The following MTHFD2L variants were observed in gnomAD, a reference collection of about 807,000 sequenced individuals.
MTHFD2L encodes the protein methylenetetrahydrofolate dehydrogenase (NADP+ dependent) 2 like.
MTHFD2L carries 29 observed loss-of-function variants against 34.9 expected under a neutral mutation model. The observed-to-expected ratio is 0.83, with a 90% CI of 0.62 to 1.13. The LOEUF (loss-of-function observed/expected upper bound fraction) is 1.13. MTHFD2L is among the 50% of genes most tolerant of loss of function. MTHFD2L has a pLI of 0.00. For missense variants in MTHFD2L, 481 were observed against 446.5 expected, an observed-to-expected ratio of 1.08 and a Z score of -0.70; for synonymous variants, 167 against 155.7, an observed-to-expected ratio of 1.07 and a Z score of -0.54.
intron 6 of MTHFD2L, among the ~76,000 whole-genome samples, chr4:74,228,145 A>G (rs1001083814): frequency 6.6e-6 from 1 of 152,120 alleles, no homozygotes; most frequent in Non-Finnish European, 1.5e-5. Context: ...TCAAATGCAA[A>G]TTTTTGAACT....
intron 1 of MTHFD2L, among the ~76,000 whole-genome samples, chr4:74,149,675 C>T (rs1444333808): frequency 6.6e-6 from 1 of 152,098 alleles, no homozygotes; most frequent in Non-Finnish European, 1.5e-5. Flanking sequence ...AAAGAAGCAC[C>T]TAGATTTATT....
chr4:74,190,574 C>T, intron 3 of MTHFD2L: 1 of 947,780 alleles, frequency 1.1e-6, no homozygotes. Context: ...GGTGGAGTAG[C>T]TCAGCGAGGT....
chr4:74,223,292 A>G (rs989451738), intron 5 of MTHFD2L, among the ~76,000 whole-genome samples: 1 of 152,020 alleles, frequency 6.6e-6, no homozygotes, highest in Admixed American at 6.6e-5. Context: ...ATGCAGCTAT[A>G]AAAAAGAATG....
intron 7 of MTHFD2L, among the ~76,000 whole-genome samples, chr4:74,299,239 T>C (rs1264967767): frequency 1.3e-5 from 2 of 151,942 alleles, no homozygotes; most frequent in African/African-American, 4.8e-5. Flanking sequence ...AATTTGCACT[T>C]GATTTTTACT....
chr4:74,136,180 A>C (rs1722916576), intron 1 of MTHFD2L, among the ~76,000 whole-genome samples: 1 of 152,100 alleles, frequency 6.6e-6, no homozygotes, highest in African/African-American at 2.4e-5. Context: ...CCAAATTGGA[A>C]AGGTAGAAGT....
chr4:74,174,020 C>T (rs547172483), intron 1 of MTHFD2L, among the ~76,000 whole-genome samples: 3 of 152,204 alleles, frequency 2.0e-5, no homozygotes, highest in Non-Finnish European at 4.4e-5. Context: ...ACTGGGAAGT[C>T]CAAGGTCAGT....
chr4:74,263,329 A>T (rs1453666938), intron 6 of MTHFD2L, among the ~76,000 whole-genome samples: 1 of 151,988 alleles, frequency 6.6e-6, no homozygotes, highest in African/African-American at 2.4e-5. Context: ...TTTTGGTTCC[A>T]TATGAATTTT....
upstream of MTHFD2L, among the ~76,000 whole-genome samples, chr4:74,119,983 A>G (rs1721724571): frequency 6.6e-6 from 1 of 151,808 alleles, no homozygotes; most frequent in South Asian, 2.1e-4. Context: ...GTTTTTCAAA[A>G]GAAAAAAAAA....
In MTHFD2L at chr4:74,281,409, C is replaced by G; in HGVS notation, c.806-16C>G. On this transcript the variant is annotated splice_polypyrimidine_tract_variant and intron_variant, in intron 6 of 7. Transcript: ENST00000325278. ...CTTTGTTATGCTGAAGGACAAACAA[C>G]TCTTTTTGTTTTCAGGTATTCCAAA... 6.2e-7 allele frequency: 1 copy of G among 1,606,784 alleles called. No individual in the cohort carries two copies. Among genetic ancestry groups the G allele is most frequent in the African/African-American group, 1.3e-5 (1 of 74,260 alleles).
At chr4:74,276,028 A>G (rs1448657954) in intron 6 of MTHFD2L, among the ~76,000 whole-genome samples, 3 of 152,102 alleles carry the variant, frequency 2.0e-5, no homozygotes, top group Admixed American at 6.6e-5. Context: ...GTCCATGCCT[A>G]TGTCCTGAGT....
intron 6 of MTHFD2L, among the ~76,000 whole-genome samples, chr4:74,240,193 G>A (rs1250153524): frequency 6.6e-6 from 1 of 152,170 alleles, no homozygotes. Flanking sequence ...GAAAGAACTC[G>A]GGAAATGGCG....
chr4:74,118,412 T>A (rs1221642950), upstream of MTHFD2L, among the ~76,000 whole-genome samples: 1 of 152,218 alleles, frequency 6.6e-6, no homozygotes, highest in Non-Finnish European at 1.5e-5. Flanking sequence ...GAAACTTTTC[T>A]TATAAAACAA....
At chr4:74,193,284 G>A (rs1328529768) in intron 3 of MTHFD2L, among the ~76,000 whole-genome samples, 1 of 152,066 alleles carries the variant, frequency 6.6e-6, no homozygotes, top group Admixed American at 6.6e-5. Context: ...CTCTAAAGCT[G>A]GGCTCTCTTT....
At chr4:74,282,914 C>T (rs1233043542) in intron 7 of MTHFD2L, among the ~76,000 whole-genome samples, 1 of 152,108 alleles carries the variant, frequency 6.6e-6, no homozygotes, top group Non-Finnish European at 1.5e-5. Flanking sequence ...TTTATTTAAT[C>T]TTCCATGTTC....
intron 6 of MTHFD2L, among the ~76,000 whole-genome samples, chr4:74,238,729 A>G (rs1455217619): frequency 6.6e-6 from 1 of 152,238 alleles, no homozygotes; most frequent in Non-Finnish European, 1.5e-5. Flanking sequence ...CAACAAACAC[A>G]AGAAAAAATG....
At chr4:74,212,174 G>GT (rs1435833399) in intron 5 of MTHFD2L, among the ~76,000 whole-genome samples, 4 of 151,848 alleles carry the variant, frequency 2.6e-5, no homozygotes, top group Admixed American at 6.6e-5. Flanking sequence ...TTTTTGAAGG[G>GT]TTTTTTGTCT....
intron 7 of MTHFD2L, among the ~76,000 whole-genome samples, chr4:74,291,003 C>CTTTATTTTTTTTTTTTTTTTTT (rs1748852174): frequency 3.4e-5 from 1 of 29,272 alleles, no homozygotes; most frequent in Non-Finnish European, 6.5e-5. Context: ...TTTTCCTTTT[C>CTTTATTTTTTTTTTTTTTTTTT]TTTTTTTTTT....
chr4:74,122,538 C>T (rs1361036174), upstream of MTHFD2L, among the ~76,000 whole-genome samples: 1 of 152,120 alleles, frequency 6.6e-6, no homozygotes, highest in African/African-American at 2.4e-5. Context: ...GGACACAGAG[C>T]CAACCATAAC....
chr4:74,143,620 G>C (rs1424927968), intron 1 of MTHFD2L, among the ~76,000 whole-genome samples: 1 of 151,996 alleles, frequency 6.6e-6, no homozygotes, highest in African/African-American at 2.4e-5. Context: ...TGTCAAATTT[G>C]GTTTGAAAAA....
Sources: allele counts gnomAD v4.1 joint callset (sites outside exome capture counted in the v4.1 genomes callset), GRCh38; gene constraint gnomAD v4.1.1; transcripts MANE v1.5; gene names NCBI Gene and HGNC (gene_info 2026-07-23, HGNC 2026-07-21).